EML3: variants seen among roughly 807,000 people sequenced by gnomAD.
The protein encoded by EML3 is EMAP like 3.
EML3 carries 53 observed loss-of-function variants against 106.7 expected under a neutral mutation model. The observed-to-expected ratio is 0.50, with a 90% CI of 0.40 to 0.62. The LOEUF is 0.62. Ranked by LOEUF, EML3 falls within the 20% of genes least tolerant of loss-of-function variation. The probability of loss-of-function intolerance (pLI) is 0.00; values close to 1 mark genes in which losing one functional copy is unlikely to be tolerated. For missense variants in EML3, 994 were observed against 1,209.1 expected (o/e 0.82, Z 2.64); for synonymous variants, 499 against 489.6 (o/e 1.02, Z -0.25).
rs1408450540 is a variant in EML3, at chr11:62,606,054, A to G, written c.1656+9T>C. ...TCCCTCACTCCCTTGACCCCAGCCCAGCCCTCACCTCAGCCTCCTGGAGGG... is the reference window on the plus strand; with the variant it reads ...TCCCTCACTCCCTTGACCCCAGCCCGGCCCTCACCTCAGCCTCCTGGAGGG... On this transcript the variant is annotated intron_variant, in intron 13 of 21. Transcript: ENST00000394773. 5 of 1,613,752 alleles carry G rather than the reference A, an allele frequency of 3.1e-6. No homozygotes were observed. The highest frequency in any genetic ancestry group is 4.2e-6 in the Non-Finnish European group (5 of 1,179,934).
At chr11:62,611,687 C>CTACCGGACACAT in intron 1 of EML3, 91 bp from the exon 2 acceptor site, 1 of 1,408,794 alleles carries the variant, frequency 7.1e-7, no homozygotes, top group Non-Finnish European at 9.4e-7. Flanking sequence ...TACATGTGTC[C>CTACCGGACACAT]GGTAGGACTG....
In EML3 at chr11:62,604,236, C is replaced by T. The variant is rs571230348; in HGVS notation, c.1983-35G>A. On this transcript the variant is annotated intron_variant, in intron 16 of 21. Coordinates refer to ENST00000394773, the MANE Select transcript of EML3 (RefSeq NM_153265.3). The stretch of plus-strand genomic sequence containing the variant: ...AGGGAAGTGGAGGCAGATAGGAAGA[C>T]GAAAAGGCAGGATGTAAGGAGACCC... 1.9e-5 allele frequency: 30 copies of T among 1,607,720 alleles called. No homozygotes were observed. The Admixed American group carries it at 3.5e-4, about 19-fold the overall frequency.
chr11:62,608,074 C>A, intron 10 of EML3, 127 bp downstream of exon 10: 1 of 956,058 alleles, frequency 1.0e-6, no homozygotes, highest in Non-Finnish European at 1.6e-6. Context: ...GTCAGAGAAG[C>A]TAGGAGATTT....
chr11:62,611,050 C>T (rs1327724086), intron 3 of EML3, 37 bp downstream of exon 3: 1 of 1,604,456 alleles, frequency 6.2e-7, no homozygotes, highest in Non-Finnish European at 8.5e-7. Context: ...TCCTACCACC[C>T]CTCCCAGCTT....
intron 4 of EML3, 81 bp from the exon 5 acceptor site, chr11:62,609,777 G>A (rs1942722394): frequency 1.6e-6 from 2 of 1,278,400 alleles, no homozygotes; most frequent in Non-Finnish European, 2.2e-6. Flanking sequence ...AAGAAAAGAG[G>A]TCACTGCAGA....
intron 4 of EML3, among the ~76,000 whole-genome samples, chr11:62,610,104 C>G (rs1942737005): frequency 6.6e-6 from 1 of 152,168 alleles, no homozygotes. Context: ...ATTACACGTG[C>G]GCGCCACTAG....
chr11:62,608,143 C>T (rs948314963), intron 10 of EML3, 58 bp downstream of exon 10: 2 of 1,489,502 alleles, frequency 1.3e-6, no homozygotes, highest in African/African-American at 1.4e-5. Flanking sequence ...GAGCTCCCTG[C>T]ACTCCACCAC....
In EML3 at chr11:62,609,058, G is replaced by A. The variant is rs1371047767; in HGVS notation, c.833C>T (p.Ala278Val). ...AGGCCGGTACAGCACCACCACACAG[G>A]CGATAAAGTAGACCACCTCCCCAGA... ...LRSGEVVYFI[A>V]CVVVLYRPGG... The change falls in exon 7 of 22, where the codon GCC (alanine) becomes GTC (valine). Residue 278 changes from alanine (A) to valine (V), a missense_variant. By Grantham distance (64) the Ala-to-Val change is moderately conservative (BLOSUM62 0). Coordinates refer to ENST00000394773, the MANE Select transcript of EML3 (RefSeq NM_153265.3). 3.7e-6 allele frequency: 6 copies of A among 1,613,972 alleles called. No individual in the cohort carries two copies. Among genetic ancestry groups the A allele is most frequent in the African/African-American group, 1.3e-5 (1 of 74,908 alleles).
At position 62,602,365 on chromosome 11, in the gene EML3, C is replaced by T; in HGVS notation, c.*110G>A. 2.6e-6 allele frequency: 4 copies of T among 1,551,028 alleles called. No homozygotes were observed. Among genetic ancestry groups the T allele is most frequent in the Non-Finnish European group, 3.5e-6 (4 of 1,146,800 alleles). On this transcript the variant is annotated 3_prime_UTR_variant, in exon 22 of 22. Transcript: ENST00000394773. ...GGAAAATGCGCGATCGGGAATGTCTCGAAGTCAGTCCAGGAAAGAGTCGGC... is the reference window on the plus strand; with the variant it reads ...GGAAAATGCGCGATCGGGAATGTCTTGAAGTCAGTCCAGGAAAGAGTCGGC...
Position 62,606,192 on chromosome 11 carries a change from C to G in EML3, c.1527G>C (p.Gln509His). 6.2e-7 allele frequency: 1 copy of G among 1,613,940 alleles called. No individual in the cohort carries two copies. Among genetic ancestry groups the G allele is most frequent in the South Asian group, 1.1e-5 (1 of 91,090 alleles). The change falls in exon 13 of 22, where the codon CAG becomes CAC. Residue 509 changes from glutamine to histidine, a missense_variant. Physicochemically the swap from Gln to His is conservative, Grantham distance 24. Coordinates refer to ENST00000394773, the MANE Select transcript of EML3 (RefSeq NM_153265.3). ...AGATAGAACCTTCATGAGCGTGAGC[C>G]TGGGCCACAATCCCATAGGTCTCTG... ...GAKETYGIVAQAHAHEGSIFA... is the reference protein window; with the variant it reads ...GAKETYGIVAHAHAHEGSIFA...
Position 62,605,037 on chromosome 11 carries a change from C to G in EML3, c.1982+76G>C. ...GCTCCTGGGTAGAGGTGGTCACTCTCGCCCACTCCCCCAGTACCAGGAACC... is the reference window on the plus strand; with the variant it reads ...GCTCCTGGGTAGAGGTGGTCACTCTGGCCCACTCCCCCAGTACCAGGAACC... On this transcript the variant is annotated intron_variant, in intron 16 of 21. Transcript: ENST00000394773. The surrounding 1 kb of genome is among the most constrained non-coding windows in gnomAD (Gnocchi z 5.2). 1.4e-6 allele frequency: 2 copies of G among 1,454,910 alleles called. No homozygotes were observed. The highest frequency in any genetic ancestry group is 1.9e-6 in the Non-Finnish European group (2 of 1,078,372). The allele number at this position is 1,454,910 out of a possible 1,614,324, so 90.1% of individuals were successfully genotyped here.
rs537308960 is a variant in EML3, at chr11:62,612,592, C to A, written c.-135G>T. On this transcript the variant is annotated 5_prime_UTR_variant, in exon 1 of 22. Coordinates refer to ENST00000394773, the MANE Select transcript of EML3 (RefSeq NM_153265.3). ...GCCGTACCACCACCCCGAGGGGGCG[C>A]TGTCGGGCGCGGGGAAGGGGCCTGG... The A allele has an allele frequency of 3.7e-4, 326 of 887,670 alleles. No homozygotes were observed. In the African/African-American group the frequency reaches 5.1e-3, roughly 14 times the overall value. 55.0% of individuals were successfully genotyped at this position (887,670 alleles called of 1,614,324 possible).
At chr11:62,607,279 A>G in intron 11 of EML3, 180 bp from the exon 12 acceptor site, 2 of 649,188 alleles carry the variant, frequency 3.1e-6, no homozygotes, top group East Asian at 2.9e-5. Flanking sequence ...GAAATCCCGC[A>G]CTGCACTCCA....
At chr11:62,610,840 C>T (rs754036614) in intron 4 of EML3, 39 bp downstream of exon 4, 13 of 1,552,810 alleles carry the variant, frequency 8.4e-6, no homozygotes, top group East Asian at 2.3e-5. Flanking sequence ...CGAGAGCCTG[C>T]GCCTGGGGCG....
chr11:62,606,856 C>CCAAAA, intron 12 of EML3, 102 bp downstream of exon 12: 57 of 915,886 alleles, frequency 6.2e-5, no homozygotes, highest in African/African-American at 2.5e-4. Context: ...GACCTCATCT[C>CCAAAA]AAAAAAAAAA....
At chr11:62,608,107 A>G in intron 10 of EML3, 94 bp downstream of exon 10, 11 of 1,259,606 alleles carry the variant, frequency 8.7e-6, no homozygotes, top group Non-Finnish European at 1.1e-5. Context: ...CCAGCCAAAA[A>G]GGAAGGAAAT....
chr11:62,611,580 C>T lies in EML3; in HGVS notation c.39G>A (p.Arg13=), dbSNP rs1355176710. ...GCTGGCTCAGAGACTGGAGGGCCTC[C>T]CGAGCAGGGCCGTCACCTGGGAAAA... is the stretch of plus-strand genomic sequence containing the variant. ...GAAGPGDGPA[R]EALQSLSQRL... The change falls in exon 2 of 22, where the codon CGG becomes CGA. Residue 13 remains arginine (R), a synonymous_variant. Coordinates refer to ENST00000394773, the MANE Select transcript of EML3 (RefSeq NM_153265.3). The T allele has an allele frequency of 6.2e-7, 1 of 1,613,224 alleles. No homozygotes were observed. Among genetic ancestry groups the T allele is most frequent in the East Asian group, 2.2e-5 (1 of 44,892 alleles).
At chr11:62,609,320 G>A (rs777010111) in intron 6 of EML3, 34 bp downstream of exon 6, 1 of 1,540,128 alleles carries the variant, frequency 6.5e-7, no homozygotes. Context: ...AGGTGAGAAA[G>A]GTGGTTCTCA....
chr11:62,608,587 C>T lies in EML3; in HGVS notation c.1065G>A (p.Leu355=), dbSNP rs779722641. 1.2e-6 allele frequency: 2 copies of T among 1,614,190 alleles called. No homozygotes were observed. Among genetic ancestry groups the T allele is most frequent in the South Asian group, 1.1e-5 (1 of 91,086 alleles). Residue 355 remains leucine (L), a synonymous_variant, in exon 9 of 22, where the codon CTG becomes CTA. Transcript: ENST00000394773. ...CCCCAACACCCCGCTCGAAGGCCCC[C>T]AGTCCAATCTCCTGCAGTTTCAACA... ...ETLLKLQEIG[L]GAFERGVGAL...
Sources: allele counts gnomAD v4.1 joint callset (sites outside exome capture counted in the v4.1 genomes callset), GRCh38; gene constraint gnomAD v4.1.1; non-coding constraint Gnocchi (gnomAD v3.1); transcripts MANE v1.5; gene names NCBI Gene and HGNC (gene_info 2026-07-23, HGNC 2026-07-21).